The following SMAD3 variants were observed in gnomAD, a reference collection of about 807,000 sequenced individuals.
SMAD3 encodes MAD homolog 3.
Under a neutral mutation model 51.8 loss-of-function variants are expected in SMAD3, and 12 were observed. That is an observed-to-expected ratio of 0.23 (90% CI 0.15 to 0.38). The LOEUF is 0.38. Among genes scored for constraint, SMAD3 ranks in the 10% least tolerant of loss-of-function variants. The probability of loss-of-function intolerance (pLI) is 1.00; values close to 1 mark genes in which losing one functional copy is unlikely to be tolerated. For synonymous variants in SMAD3, 238 were observed against 227.7 expected (o/e 1.05, Z -0.41); for missense variants, 294 against 565.6 (o/e 0.52, Z 4.87).
chr15:67,113,637 A>G (rs774812068), intron 1 of SMAD3, among the ~76,000 whole-genome samples: 1 of 152,250 alleles, frequency 6.6e-6, no homozygotes, highest in African/African-American at 2.4e-5. Context: ...AGCCAAGGGT[A>G]AAATGGAAAT....
intron 1 of SMAD3, among the ~76,000 whole-genome samples, chr15:67,126,716 G>A (rs2140248390): frequency 6.6e-6 from 1 of 152,306 alleles, no homozygotes; most frequent in African/African-American, 2.4e-5. Flanking sequence ...TAGGCCCTTG[G>A]TAAATGTTTG....
Position 67,105,561 on chromosome 15 carries a change from T to C in SMAD3, c.206+39201T>C, listed in dbSNP as rs534760540. On this transcript the variant is annotated intron_variant, in intron 1 of 8. Coordinates refer to ENST00000327367, the MANE Select transcript of SMAD3 (RefSeq NM_005902.4). ...GGCTCTAGCTGTGGGCAGAAATTCA[T>C]GGCCTTGAAGAATGGCTACTGTATA... 6.2e-4 allele frequency among the ~76,000 whole-genome samples: 94 copies of C among 152,332 alleles called. 1 individual carries two copies. Among genetic ancestry groups the C allele is most frequent in the Non-Finnish European group, 5.3e-4 (36 of 68,022 alleles).
chr15:67,116,751 C>G (rs547432246), intron 1 of SMAD3, among the ~76,000 whole-genome samples: 1 of 152,214 alleles, frequency 6.6e-6, no homozygotes, highest in African/African-American at 2.4e-5. Context: ...AGGAAGGGAG[C>G]AAGACCCTTG....
At chr15:67,111,463 G>A (rs1463830637) in intron 1 of SMAD3, among the ~76,000 whole-genome samples, 2 of 152,172 alleles carry the variant, frequency 1.3e-5, no homozygotes, top group African/African-American at 4.8e-5. Context: ...TTGTGTACAA[G>A]CTTTTTTTGT....
At chr15:67,109,627 T>G (rs1960956441) in intron 1 of SMAD3, among the ~76,000 whole-genome samples, 1 of 152,064 alleles carries the variant, frequency 6.6e-6, no homozygotes, top group South Asian at 2.1e-4. Flanking sequence ...ATGGAATAAT[T>G]AAAACACACA....
At chr15:67,091,733 A>G (rs1024344035) in intron 1 of SMAD3, among the ~76,000 whole-genome samples, 4 of 152,196 alleles carry the variant, frequency 2.6e-5, no homozygotes, top group East Asian at 1.9e-4. Context: ...TCTCAATTCT[A>G]GAAGGTAATA....
intron 6 of SMAD3, among the ~76,000 whole-genome samples, chr15:67,182,598 G>C (rs1483844587): frequency 2.0e-5 from 3 of 152,082 alleles, no homozygotes; most frequent in Non-Finnish European, 4.4e-5. Context: ...CATTTGAAGA[G>C]AGGATTGATT....
chr15:67,106,779 C>T (rs766232366), intron 1 of SMAD3, among the ~76,000 whole-genome samples: 12 of 152,176 alleles, frequency 7.9e-5, no homozygotes, highest in Non-Finnish European at 1.5e-4. Context: ...CTCTTCCTGG[C>T]TTCACTCTCT....
intron 1 of SMAD3, among the ~76,000 whole-genome samples, chr15:67,164,083 G>A (rs542390571): frequency 2.6e-5 from 4 of 152,100 alleles, no homozygotes; most frequent in South Asian, 4.1e-4. Flanking sequence ...AGGCTGAGGC[G>A]GGCAGATCAC....
chr15:67,151,656 A>G (rs550393262), intron 1 of SMAD3, among the ~76,000 whole-genome samples: 2 of 152,252 alleles, frequency 1.3e-5, no homozygotes, highest in African/African-American at 2.4e-5. Flanking sequence ...CTTTCCCTCT[A>G]AAGTTAGAGT....
intron 5 of SMAD3, among the ~76,000 whole-genome samples, chr15:67,175,695 G>A (rs747750840): frequency 2.6e-5 from 4 of 152,174 alleles, no homozygotes; most frequent in Non-Finnish European, 2.9e-5. Flanking sequence ...GAGACTCCAC[G>A]CTGACAGGCC....
At chr15:67,110,803 C>A (rs539433834) in intron 1 of SMAD3, among the ~76,000 whole-genome samples, 64 of 152,256 alleles carry the variant, frequency 4.2e-4, no homozygotes, top group African/African-American at 1.5e-3. Context: ...TTGGAATAAT[C>A]GTAGATACAC....
At chr15:67,119,489 A>T (rs768861304) in intron 1 of SMAD3, among the ~76,000 whole-genome samples, 28 of 152,046 alleles carry the variant, frequency 1.8e-4, no homozygotes, top group Non-Finnish European at 3.5e-4. Flanking sequence ...CCAGAGAGGG[A>T]CCTGGGTAAG....
intron 1 of SMAD3, among the ~76,000 whole-genome samples, chr15:67,108,089 A>G (rs1000596250): frequency 6.6e-6 from 1 of 152,042 alleles, no homozygotes; most frequent in African/African-American, 2.4e-5. Flanking sequence ...CTTCGGGGAT[A>G]ACTCGCCTTG....
intron 3 of SMAD3, 133 bp downstream of exon 3, chr15:67,165,517 G>A (rs1170437833): frequency 9.2e-7 from 1 of 1,089,978 alleles, no homozygotes; most frequent in African/African-American, 1.6e-5. Flanking sequence ...GCTCTGGCCT[G>A]AGGGCCCCTG....
intron 1 of SMAD3, among the ~76,000 whole-genome samples, chr15:67,136,121 C>T (rs1008187922): frequency 6.6e-5 from 10 of 152,156 alleles, no homozygotes; most frequent in African/African-American, 2.4e-4. Flanking sequence ...GCTGAATATC[C>T]AAGGCCAGAT....
At chr15:67,077,053 A>G (rs1960185237) in intron 1 of SMAD3, among the ~76,000 whole-genome samples, 1 of 152,176 alleles carries the variant, frequency 6.6e-6, no homozygotes, top group South Asian at 2.1e-4. Flanking sequence ...TTGTGAAACC[A>G]AGAGGTCAGG....
At chr15:67,099,897 C>T (rs1395873653) in intron 1 of SMAD3, among the ~76,000 whole-genome samples, 3 of 152,158 alleles carry the variant, frequency 2.0e-5, no homozygotes, top group Admixed American at 6.5e-5. Context: ...AAATGAAGTA[C>T]GTGGCCGGGC....
chr15:67,166,984 G>A (rs943397291), intron 4 of SMAD3, 131 bp downstream of exon 4: 80 of 780,100 alleles, frequency 1.0e-4, no homozygotes, highest in Admixed American at 2.6e-4. Context: ...TAGAGCAACC[G>A]CGATGTGCAA....
Sources: gnomAD v4.1 joint callset for allele counts (sites outside exome capture counted in the v4.1 genomes callset) on GRCh38, gnomAD v4.1.1 for gene constraint, MANE v1.5 for transcripts, NCBI Gene and HGNC (gene_info 2026-07-23, HGNC 2026-07-21) for gene names.